CRACD: variants seen among roughly 807,000 people sequenced by gnomAD.
CRACD encodes capping protein inhibiting regulator of actin dynamics, also known as capping protein-inhibiting regulator of actin dynamics.
In CRACD, 56 loss-of-function variants were observed where a neutral mutation model predicts 106.8. The observed-to-expected ratio is 0.52, with a 90% CI of 0.42 to 0.66. The LOEUF (loss-of-function observed/expected upper bound fraction) is 0.66. Ranked by LOEUF, CRACD falls within the 30% of genes least tolerant of loss-of-function variation. CRACD has a pLI of 0.00. For missense variants in CRACD, 1,730 were observed against 1,623.2 expected, an observed-to-expected ratio of 1.07 and a Z score of -1.13; for synonymous variants, 754 against 670.8, an observed-to-expected ratio of 1.12 and a Z score of -1.92.
chr4:56,223,835 T>C (rs1483155998), intron 2 of CRACD, among the ~76,000 whole-genome samples: 1 of 152,228 alleles, frequency 6.6e-6, no homozygotes. Context: ...CTCAGCTCAC[T>C]GCATCCTCGA....
At chr4:56,217,147 G>C (rs1294542501) in intron 2 of CRACD, among the ~76,000 whole-genome samples, 1 of 152,094 alleles carries the variant, frequency 6.6e-6, no homozygotes, top group Admixed American at 6.6e-5. Flanking sequence ...CTCATCAGAT[G>C]TCCGAGTTTC....
intron 2 of CRACD, among the ~76,000 whole-genome samples, chr4:56,272,038 C>G (rs1742382238): frequency 6.6e-6 from 1 of 152,256 alleles, no homozygotes; most frequent in Admixed American, 6.5e-5. Context: ...GCCACCATGC[C>G]CTGGCCACTT....
intron 2 of CRACD, among the ~76,000 whole-genome samples, chr4:56,214,339 A>C (rs1441597568): frequency 1.3e-5 from 2 of 152,160 alleles, no homozygotes; most frequent in East Asian, 3.9e-4. Context: ...TTACGCCTAT[A>C]ATTCCAGCAC....
intron 2 of CRACD, among the ~76,000 whole-genome samples, chr4:56,235,520 T>C (rs956350099): frequency 6.6e-5 from 10 of 152,212 alleles, no homozygotes; most frequent in African/African-American, 2.4e-4. Context: ...AACAAAGGTA[T>C]CAGACAAACC....
Position 56,324,169 on chromosome 4 carries a change from T to C in CRACD, c.3444T>C (p.Thr1148=), listed in dbSNP as rs367559589. The change falls in exon 10 of 11, where the codon ACT becomes ACC. Residue 1148 remains threonine (T), a synonymous_variant. Coordinates refer to ENST00000682029, the MANE Select transcript of CRACD (RefSeq NM_001393381.1). ...VSRAGSLHKS[T]ALPEEKRPET... ...GAGCAGGTTCCCTGCACAAGTCCAC[T>C]GCTCTGCCAGAAGAGAAGAGGCCCG... 8.1e-6 allele frequency: 13 copies of C among 1,614,084 alleles called. No homozygotes were observed. Among genetic ancestry groups the C allele is most frequent in the Non-Finnish European group, 1.0e-5 (12 of 1,179,996 alleles).
At chr4:56,289,863 C>T (rs1021392680) in intron 3 of CRACD, among the ~76,000 whole-genome samples, 2 of 152,062 alleles carry the variant, frequency 1.3e-5, no homozygotes, top group African/African-American at 2.4e-5. Context: ...TGTATTAAGC[C>T]GTGTCAATAG....
At chr4:56,259,549 A>G (rs1741575724) in intron 2 of CRACD, among the ~76,000 whole-genome samples, 1 of 152,198 alleles carries the variant, frequency 6.6e-6, no homozygotes, top group South Asian at 2.1e-4. Context: ...AACATAACTC[A>G]TTCTCTTTCT....
intron 2 of CRACD, among the ~76,000 whole-genome samples, chr4:56,183,290 A>AAAATAAATAAAATAAAATAAAAAAAATAT (rs1560475172): frequency 1.3e-5 from 1 of 75,328 alleles, no homozygotes; most frequent in African/African-American, 5.1e-5. Context: ...TAAAATAAAA[A>AAAATAAATAAAATAAAATAAAAAAAATAT]GAATTAGGGG....
At chr4:56,118,438 T>G (rs949450194) in intron 1 of CRACD, among the ~76,000 whole-genome samples, 1 of 152,224 alleles carries the variant, frequency 6.6e-6, no homozygotes, top group Admixed American at 6.5e-5. Flanking sequence ...ACTGACATAC[T>G]GCGAACTACA....
chr4:56,086,389 T>C (rs1733221024), intron 1 of CRACD, among the ~76,000 whole-genome samples: 1 of 152,108 alleles, frequency 6.6e-6, no homozygotes, highest in Non-Finnish European at 1.5e-5. Flanking sequence ...GCAATCCTCC[T>C]ACCTCAGGCT....
At chr4:56,253,668 TC>T (rs1229494200) in intron 2 of CRACD, among the ~76,000 whole-genome samples, 1 of 152,204 alleles carries the variant, frequency 6.6e-6, no homozygotes, top group Non-Finnish European at 1.5e-5. Context: ...AGCAATAGTT[TC>T]CCAAAGGGGC....
chr4:56,145,794 T>A (rs1735358696), intron 1 of CRACD, among the ~76,000 whole-genome samples: 1 of 152,000 alleles, frequency 6.6e-6, no homozygotes, highest in South Asian at 2.1e-4. Context: ...TTTTTTTTTG[T>A]ATTTTTTGTA....
At position 56,191,103 on chromosome 4, in the gene CRACD, A is replaced by G. The variant is rs144602262; in HGVS notation, c.-189+11673A>G. Among the ~76,000 whole-genome samples the G allele has an allele frequency of 8.9e-4, 135 of 152,340 alleles. 3 individuals are homozygous for G. Among genetic ancestry groups the G allele is most frequent in the African/African-American group, 3.1e-3 (128 of 41,576 alleles). Reference sequence around the variant, plus strand: ...TAATGTATCCCAAAATTATTTGACCAGAGAAACCTTGATAATTTTCCTAGA... The same window carrying G: ...TAATGTATCCCAAAATTATTTGACCGGAGAAACCTTGATAATTTTCCTAGA... On this transcript the variant is annotated intron_variant, in intron 2 of 10. Transcript: ENST00000682029.
intron 2 of CRACD, among the ~76,000 whole-genome samples, chr4:56,245,353 C>G (rs1740623975): frequency 6.6e-6 from 1 of 152,172 alleles, no homozygotes; most frequent in African/African-American, 2.4e-5. Context: ...AATGTCTAAT[C>G]TCAGAATCCC....
At chr4:56,056,659 G>T (rs893135489) in intron 1 of CRACD, among the ~76,000 whole-genome samples, 60 of 152,128 alleles carry the variant, frequency 3.9e-4, no homozygotes, top group African/African-American at 1.1e-3. Context: ...GCTGGGCGTG[G>T]TGGCACATGT....
At chr4:56,272,213 C>T (rs1416052409) in intron 2 of CRACD, 108 bp from the exon 3 acceptor site, 1 of 153,676 alleles carries the variant, frequency 6.5e-6, no homozygotes, top group African/African-American at 2.4e-5. Context: ...GATGGCCGCC[C>T]TTTGCCCTGT....
chr4:56,302,434 G>GTCTGTT (rs2109733479), intron 4 of CRACD, among the ~76,000 whole-genome samples: 2 of 152,286 alleles, frequency 1.3e-5, no homozygotes, highest in East Asian at 3.9e-4. Flanking sequence ...GAAATGCTTA[G>GTCTGTT]TCTGTTTGTA....
At chr4:56,163,073 C>T (rs982902091) in intron 1 of CRACD, among the ~76,000 whole-genome samples, 2 of 152,184 alleles carry the variant, frequency 1.3e-5, no homozygotes, top group African/African-American at 4.8e-5. Flanking sequence ...CAACTCTGCT[C>T]TGGGGCATGG....
At chr4:56,086,275 G>GTGTT (rs965690467) in intron 1 of CRACD, among the ~76,000 whole-genome samples, 16 of 152,190 alleles carry the variant, frequency 1.1e-4, no homozygotes, top group Admixed American at 2.6e-4. Context: ...CTTTCTGTTA[G>GTGTT]TGTTTGTTTG....
Sources: allele counts gnomAD v4.1 joint callset (sites outside exome capture counted in the v4.1 genomes callset), GRCh38; gene constraint gnomAD v4.1.1; transcripts MANE v1.5; gene names NCBI Gene and HGNC (gene_info 2026-07-23, HGNC 2026-07-21).